Variants in CTNNAL1 observed in about 807,000 individuals in gnomAD.
CTNNAL1 encodes catenin alpha like 1, also known as alpha-catulin.
Under a neutral mutation model 93.6 loss-of-function variants are expected in CTNNAL1, and 69 were observed. The ratio of observed to expected loss-of-function variants is 0.74; its 90% CI spans 0.61 to 0.90. The LOEUF is 0.90. CTNNAL1 is among the 40% of genes least tolerant of loss of function. The probability of loss-of-function intolerance (pLI) is 0.00; values close to 1 mark genes in which losing one functional copy is unlikely to be tolerated. For synonymous variants in CTNNAL1, 286 were observed against 305.4 expected (o/e 0.94, Z 0.66); for missense variants, 836 against 862.0 (o/e 0.97, Z 0.38).
chr9:108,983,132 T>C lies in CTNNAL1; in HGVS notation c.900+13A>G. ...AGAAGAGAAAAATAAAAATATACTCTCTTTATTCTTACCTTGAATTCCTTA... is the reference window on the plus strand; with the variant it reads ...AGAAGAGAAAAATAAAAATATACTCCCTTTATTCTTACCTTGAATTCCTTA... On this transcript the variant is annotated intron_variant, in intron 6 of 18. Transcript: ENST00000325551. 1.4e-6 allele frequency: 2 copies of C among 1,475,060 alleles called. No individual in the cohort carries two copies. Among genetic ancestry groups the C allele is most frequent in the Non-Finnish European group, 1.8e-6 (2 of 1,115,106 alleles). 91.4% of individuals were successfully genotyped at this position (1,475,060 alleles called of 1,614,324 possible).
At chr9:108,948,011 T>C (rs951345517) in intron 15 of CTNNAL1, among the ~76,000 whole-genome samples, 175 bp downstream of exon 15, 2 of 152,250 alleles carry the variant, frequency 1.3e-5, no homozygotes, top group African/African-American at 2.4e-5. Context: ...AGGATAGTTT[T>C]GCAAAATGTC....
chr9:108,972,757 T>G lies in CTNNAL1; in HGVS notation c.1265A>C (p.Lys422Thr), dbSNP rs150783696. The stretch of plus-strand genomic sequence containing the variant: ...TAAATTTCCTTCTACTCCAGTAAGT[T>G]TTAATGCTTTTAGAACCACATGATC... ...HADHVVLKAL[K>T]LTGVEGNLEA... The change falls in exon 9 of 19, where the codon AAA (lysine) becomes ACA (threonine). Residue 422 changes from lysine to threonine, a missense_variant. Transcript: ENST00000325551. 2.6e-5 allele frequency: 42 copies of G among 1,613,432 alleles called. No homozygotes were observed. In the African/African-American group the frequency reaches 5.1e-4, roughly 20 times the overall value.
chr9:108,966,597 C>A (rs1023762045), intron 10 of CTNNAL1, among the ~76,000 whole-genome samples: 12 of 152,052 alleles, frequency 7.9e-5, no homozygotes, highest in African/African-American at 2.9e-4. Flanking sequence ...GAAAGGGGAC[C>A]GGATTGCCAA....
intron 4 of CTNNAL1, among the ~76,000 whole-genome samples, chr9:108,988,744 C>T (rs1207101204): frequency 6.6e-6 from 1 of 152,188 alleles, no homozygotes; most frequent in Non-Finnish European, 1.5e-5. Context: ...TCTCCTCCCA[C>T]CCCTACTAAA....
intron 1 of CTNNAL1, among the ~76,000 whole-genome samples, chr9:109,009,039 T>A (rs149219144): frequency 6.6e-6 from 1 of 151,696 alleles, no homozygotes; most frequent in Non-Finnish European, 1.5e-5. Flanking sequence ...GGACCACAGG[T>A]GCATGCCATC....
At chr9:108,955,133 T>G (rs1830660298) in intron 12 of CTNNAL1, among the ~76,000 whole-genome samples, 1 of 152,088 alleles carries the variant, frequency 6.6e-6, no homozygotes, top group Non-Finnish European at 1.5e-5. Flanking sequence ...TGGCTAATTT[T>G]TTTTGTTGTT....
At chr9:108,970,352 A>G (rs539966546) in intron 10 of CTNNAL1, 50 bp downstream of exon 10, 5 of 1,517,454 alleles carry the variant, frequency 3.3e-6, no homozygotes, top group Non-Finnish European at 4.4e-6. Flanking sequence ...AACTTGTTAT[A>G]ACACTCAGAT....
chr9:109,011,579 G>T (rs1247553899), intron 1 of CTNNAL1, among the ~76,000 whole-genome samples: 2 of 152,172 alleles, frequency 1.3e-5, no homozygotes, highest in East Asian at 3.8e-4. Context: ...TTTCTAGCTT[G>T]TTTTTCCACT....
chr9:108,942,664 T>C lies in CTNNAL1; in HGVS notation c.*105A>G. On this transcript the variant is annotated 3_prime_UTR_variant, in exon 19 of 19. Coordinates refer to ENST00000325551, the MANE Select transcript of CTNNAL1 (RefSeq NM_003798.4). ...AATAGAGCAAAATTTCAATATTGTT[T>C]TCTTTATAAAATTGATGAATTTCTG... 1.2e-6 allele frequency: 1 copy of C among 832,590 alleles called. No individual in the cohort carries two copies. The highest frequency in any genetic ancestry group is 1.9e-6 in the Non-Finnish European group (1 of 520,424). The allele number at this position is 832,590 out of a possible 1,614,324, so 51.6% of individuals were successfully genotyped here.
chr9:108,996,481 A>G (rs1202637148), intron 2 of CTNNAL1, among the ~76,000 whole-genome samples: 1 of 152,184 alleles, frequency 6.6e-6, no homozygotes, highest in Non-Finnish European at 1.5e-5. Flanking sequence ...CACTAGGAGG[A>G]AGATGACATG....
chr9:109,008,269 T>C (rs889632003), intron 1 of CTNNAL1, among the ~76,000 whole-genome samples: 5 of 150,862 alleles, frequency 3.3e-5, no homozygotes, highest in Non-Finnish European at 7.4e-5. Flanking sequence ...GCAATTCTTC[T>C]GCCCCAGCCT....
chr9:108,968,516 C>T (rs1321879786), intron 10 of CTNNAL1, among the ~76,000 whole-genome samples: 2 of 152,182 alleles, frequency 1.3e-5, no homozygotes, highest in African/African-American at 4.8e-5. Context: ...AGAGTCAAGC[C>T]CTCCAGTTCT....
At chr9:108,965,072 T>C (rs147740205) in intron 11 of CTNNAL1, among the ~76,000 whole-genome samples, 1 of 152,074 alleles carries the variant, frequency 6.6e-6, no homozygotes, top group East Asian at 1.9e-4. Flanking sequence ...GTTGGCCAGG[T>C]TGGGCTCGAA....
In CTNNAL1 at chr9:108,983,192, T is replaced by A. The variant is rs778770086; in HGVS notation, c.853A>T (p.Thr285Ser). 6.4e-7 allele frequency: 1 copy of A among 1,573,422 alleles called. No individual in the cohort carries two copies. Among genetic ancestry groups the A allele is most frequent in the Non-Finnish European group, 8.6e-7 (1 of 1,159,686 alleles). ...AAAATACTGATAGATGAAATGTCAG[T>A]CTCTCCATTCGGTTTACAGTCAGTC... ...IVTDCKPNGE[T>S]DISSISIFTG... Residue 285 changes from threonine (T) to serine (S), a missense_variant, in exon 6 of 19, where the codon ACT becomes TCT. Transcript: ENST00000325551.
In CTNNAL1 at chr9:108,956,773, C is replaced by G. The variant is rs1042053768; in HGVS notation, c.1592-946G>C. Among the ~76,000 whole-genome samples the G allele has an allele frequency of 6.6e-5, 10 of 152,230 alleles. No homozygotes were observed. In the South Asian group the frequency reaches 1.4e-3, roughly 22 times the overall value. ...CTTATACAAATATTTAAAATTTCAT[C>G]TAGAACTGTACTATTAAATATGAAA... is the stretch of plus-strand genomic sequence containing the variant. On this transcript the variant is annotated intron_variant, in intron 11 of 18. Coordinates refer to ENST00000325551, the MANE Select transcript of CTNNAL1 (RefSeq NM_003798.4).
chr9:108,976,587 G>A (rs1282102869), intron 8 of CTNNAL1, among the ~76,000 whole-genome samples: 6 of 151,800 alleles, frequency 4.0e-5, no homozygotes, highest in Non-Finnish European at 4.4e-5. Context: ...CTGAAGTGCA[G>A]TAGCGCGATC....
chr9:109,000,438 T>G (rs1157463878), intron 1 of CTNNAL1, among the ~76,000 whole-genome samples: 1 of 152,154 alleles, frequency 6.6e-6, no homozygotes, highest in Non-Finnish European at 1.5e-5. Context: ...AAAGCCCACG[T>G]TCCCATGGGG....
intron 9 of CTNNAL1, among the ~76,000 whole-genome samples, chr9:108,971,456 G>T (rs137971082): frequency 6.6e-6 from 1 of 152,064 alleles, no homozygotes; most frequent in Non-Finnish European, 1.5e-5. Flanking sequence ...AATAATCCCC[G>T]CATGTCAAAG....
At chr9:108,993,552 A>AT (rs1831895963) in intron 2 of CTNNAL1, among the ~76,000 whole-genome samples, 1 of 152,148 alleles carries the variant, frequency 6.6e-6, no homozygotes, top group Non-Finnish European at 1.5e-5. Context: ...CATTCTATTA[A>AT]TTGAACTCCC....
Sources: allele counts gnomAD v4.1 joint callset (sites outside exome capture counted in the v4.1 genomes callset), GRCh38; gene constraint gnomAD v4.1.1; transcripts MANE v1.5; gene names NCBI Gene and HGNC (gene_info 2026-07-23, HGNC 2026-07-21).